Variants in ABCB1 observed in about 807,000 individuals in gnomAD.
ABCB1 encodes ATP-dependent translocase ABCB1.
Under a neutral mutation model 142.0 loss-of-function variants are expected in ABCB1, and 69 were observed. The observed-to-expected ratio is 0.49, with a 90% confidence interval of 0.40 to 0.59. ABCB1 has a LOEUF of 0.59. Among genes scored for constraint, ABCB1 ranks in the 20% least tolerant of loss-of-function variants. The probability of loss-of-function intolerance (pLI) is 0.00; values close to 1 mark genes in which losing one functional copy is unlikely to be tolerated. For missense variants in ABCB1, 1,326 were observed against 1,554.7 expected (o/e 0.85, Z 2.47); for synonymous variants, 532 against 539.2 (o/e 0.99, Z 0.18).
intron 1 of ABCB1, among the ~76,000 whole-genome samples, chr7:87,648,551 A>T (rs1823258344): frequency 6.6e-6 from 1 of 152,132 alleles, no homozygotes; most frequent in Non-Finnish European, 1.5e-5. Context: ...AAAGAGGCTT[A>T]CACTATATCT....
At chr7:87,520,747 C>T (rs201588853) in intron 22 of ABCB1, 29 bp downstream of exon 22, 4 of 1,570,272 alleles carry the variant, frequency 2.5e-6, no homozygotes, top group Non-Finnish European at 3.5e-6. Context: ...ATTATTCACA[C>T]TCTCCTCCCA....
At chr7:87,526,478 C>A (rs1272535351) in intron 21 of ABCB1, among the ~76,000 whole-genome samples, 1 of 151,318 alleles carries the variant, frequency 6.6e-6, no homozygotes, top group African/African-American at 2.4e-5. Context: ...CTCAGGAGTT[C>A]GAGACCAGCC....
intron 1 of ABCB1, among the ~76,000 whole-genome samples, chr7:87,637,003 G>A (rs921730035): frequency 6.6e-6 from 1 of 152,148 alleles, no homozygotes; most frequent in Non-Finnish European, 1.5e-5. Flanking sequence ...ACCAAGCAAA[G>A]GGGGAAGCCC....
intron 1 of ABCB1, among the ~76,000 whole-genome samples, chr7:87,646,760 T>C (rs2130342537): frequency 6.7e-6 from 1 of 149,798 alleles, no homozygotes; most frequent in Middle Eastern, 3.5e-3. Context: ...GCATTATTCT[T>C]GTGTATTGTC....
intron 4 of ABCB1, among the ~76,000 whole-genome samples, chr7:87,576,332 A>G (rs953186032): frequency 2.0e-5 from 3 of 151,458 alleles, no homozygotes; most frequent in African/African-American, 4.8e-5. Context: ...AACCTGTTGT[A>G]TCTGCTATAA....
Position 87,550,251 on chromosome 7 carries a change from C to A in ABCB1, c.1270G>T (p.Ala424Ser). The A allele has an allele frequency of 6.2e-7, 1 of 1,614,188 alleles. No homozygotes were observed. The highest frequency in any genetic ancestry group is 1.1e-5 in the South Asian group (1 of 91,078). Reference sequence around the variant, plus strand: ...CCACAGCCACTGTTTCCAACCAGGGCCACCGTCTGCCCACTCTGCACCTTC... The same window carrying A: ...CCACAGCCACTGTTTCCAACCAGGGACACCGTCTGCCCACTCTGCACCTTC... ...NLKVQSGQTV[A>S]LVGNSGCGKS... The change falls in exon 12 of 28, where the codon GCC becomes TCC. Residue 424 changes from alanine (A) to serine (S), a missense_variant. Ala to Ser is a moderately conservative substitution (Grantham distance 99, BLOSUM62 1). Coordinates refer to ENST00000622132, the MANE Select transcript of ABCB1 (RefSeq NM_001348946.2).
intron 23 of ABCB1, 62 bp from the exon 24 acceptor site, chr7:87,516,727 ACTC>A: frequency 9.0e-7 from 1 of 1,113,662 alleles, no homozygotes; most frequent in Non-Finnish European, 1.2e-6. Context: ...GAAAGCTGAC[ACTC>A]CTTTTTTTTT....
intron 1 of ABCB1, among the ~76,000 whole-genome samples, chr7:87,614,660 TA>T (rs1297566634): frequency 6.6e-6 from 1 of 152,220 alleles, no homozygotes; most frequent in Non-Finnish European, 1.5e-5. Flanking sequence ...GATGTGTTAA[TA>T]GACAGCCTGT....
chr7:87,680,493 T>C lies in ABCB1; in HGVS notation c.-331+32668A>G, dbSNP rs1826816094. Among the ~76,000 whole-genome samples, 2 of 150,802 alleles carry C rather than the reference T, an allele frequency of 1.3e-5. 1 individual carries two copies. The highest frequency in any genetic ancestry group is 4.2e-4 in the South Asian group (2 of 4,768). On this transcript the variant is annotated intron_variant, in intron 1 of 28. Transcript: ENST00000265724. Reference sequence around the variant, plus strand: ...GAAATCAGTAACCTAAGCTTTCACCTTAAGAAACTAAAAAAGGGGCCGGGC... The same window carrying C: ...GAAATCAGTAACCTAAGCTTTCACCCTAAGAAACTAAAAAAGGGGCCGGGC...
In ABCB1 at chr7:87,550,714, CT is replaced by C; in HGVS notation, c.1113+10del. Reference sequence around the variant, plus strand: ...TTTAGATAGGTGGATAGATGGCCAACTCAGACTTACATTATCAATTATCTTG... The same window carrying C: ...TTTAGATAGGTGGATAGATGGCCAACCAGACTTACATTATCAATTATCTTG... On this transcript the variant is annotated intron_variant, in intron 10 of 27. Transcript: ENST00000622132. 1 of 1,598,262 alleles carries C rather than the reference CT, an allele frequency of 6.3e-7. No individual in the cohort carries two copies. Among genetic ancestry groups the C allele is most frequent in the Non-Finnish European group, 8.6e-7 (1 of 1,165,624 alleles).
chr7:87,650,747 C>A, intron 1 of ABCB1: 2 of 829,544 alleles, frequency 2.4e-6, no homozygotes, highest in Non-Finnish European at 4.1e-6. Flanking sequence ...CCCCAAATTG[C>A]CTTCCTCCCA....
intron 1 of ABCB1, among the ~76,000 whole-genome samples, chr7:87,607,577 G>C (rs1471673971): frequency 6.6e-6 from 1 of 151,692 alleles, no homozygotes; most frequent in Non-Finnish European, 1.5e-5. Context: ...TGTGAGACAG[G>C]GTCTTGCTCT....
chr7:87,523,156 A>C (rs1815599067), intron 21 of ABCB1, among the ~76,000 whole-genome samples: 1 of 152,148 alleles, frequency 6.6e-6, no homozygotes, highest in African/African-American at 2.4e-5. Flanking sequence ...GCTGCAGTGC[A>C]GTGGCAATTC....
chr7:87,539,263 C>T lies in ABCB1; in HGVS notation c.2397+5G>A, dbSNP rs1206141026. 1 of 1,613,806 alleles carries T rather than the reference C, an allele frequency of 6.2e-7. No individual in the cohort carries two copies. The highest frequency in any genetic ancestry group is 8.5e-7 in the Non-Finnish European group (1 of 1,179,928). On this transcript the variant is annotated splice_donor_5th_base_variant and intron_variant, in intron 19 of 27. Coordinates refer to ENST00000622132, the MANE Select transcript of ABCB1 (RefSeq NM_001348946.2). ...ATCCCAGGGCACAGCCCTCGATAGA[C>T]ATACCTGTCTGAGCATGGATCGGAA...
chr7:87,557,054 G>A (rs750957755), intron 8 of ABCB1, among the ~76,000 whole-genome samples: 33 of 152,172 alleles, frequency 2.2e-4, no homozygotes, highest in Non-Finnish European at 3.5e-4. Flanking sequence ...CCTCAAAGAG[G>A]CCTGCCCCAA....
At chr7:87,533,269 G>T (rs1372907985) in intron 20 of ABCB1, among the ~76,000 whole-genome samples, 1 of 152,110 alleles carries the variant, frequency 6.6e-6, no homozygotes, top group African/African-American at 2.4e-5. Flanking sequence ...TCTACTCAGA[G>T]CTCATTTCCC....
rs1451623254 is a variant in ABCB1, at chr7:87,505,897, C to G, written c.3636G>C (p.Lys1212Asn). ...ATSALDTESEKVVQEALDKAR... is the reference protein window; with the variant it reads ...ATSALDTESENVVQEALDKAR... ...GGATGAACCCAATTTAAATTCTTACCTTTTCACTTTCTGTATCCAGAGCTG... is the reference window on the plus strand; with the variant it reads ...GGATGAACCCAATTTAAATTCTTACGTTTTCACTTTCTGTATCCAGAGCTG... Residue 1212 changes from lysine to asparagine, a missense_variant and splice_region_variant, in exon 27 of 28, where the codon AAG (lysine) becomes AAC (asparagine). Transcript: ENST00000622132. 7 of 1,614,060 alleles carry G rather than the reference C, an allele frequency of 4.3e-6. No homozygotes were observed. The highest frequency in any genetic ancestry group is 2.2e-5 in the South Asian group (2 of 91,066).
At chr7:87,665,924 T>G (rs1220365239) in intron 1 of ABCB1, among the ~76,000 whole-genome samples, 1 of 152,144 alleles carries the variant, frequency 6.6e-6, no homozygotes, top group Non-Finnish European at 1.5e-5. Context: ...TATCACATTT[T>G]CTTTAGTGCT....
intron 2 of ABCB1, among the ~76,000 whole-genome samples, chr7:87,599,814 A>G (rs550494361): frequency 6.6e-5 from 10 of 152,322 alleles, no homozygotes; most frequent in Middle Eastern, 3.4e-3. Context: ...AAATACCCGG[A>G]CTTGATCATT....
Sources: gnomAD v4.1 joint callset for allele counts (sites outside exome capture counted in the v4.1 genomes callset) on GRCh38, gnomAD v4.1.1 for gene constraint, MANE v1.5 for transcripts, NCBI Gene and HGNC (gene_info 2026-07-23, HGNC 2026-07-21) for gene names.